MINPP1: variants seen among roughly 807,000 people sequenced by gnomAD.
The protein encoded by MINPP1 is multiple inositol polyphosphate phosphatase 1.
Under a neutral mutation model 46.1 loss-of-function variants are expected in MINPP1, and 28 were observed. The observed-to-expected ratio is 0.61, with a 90% CI of 0.45 to 0.83. The LOEUF (loss-of-function observed/expected upper bound fraction) is 0.83. Ranked by LOEUF, MINPP1 falls within the 40% of genes least tolerant of loss-of-function variation. MINPP1 has a pLI of 0.00. For synonymous variants in MINPP1, 268 were observed against 249.1 expected (o/e 1.08, Z -0.72); for missense variants, 603 against 610.0 (o/e 0.99, Z 0.12).
At chr10:87,548,891 G>A (rs1043096519) in intron 4 of MINPP1, among the ~76,000 whole-genome samples, 8 of 151,934 alleles carry the variant, frequency 5.3e-5, no homozygotes, top group South Asian at 4.2e-4. Context: ...CAATACTTAC[G>A]GACTTTATAA....
chr10:87,532,857 G>T (rs1851678728), intron 4 of MINPP1, among the ~76,000 whole-genome samples: 1 of 152,172 alleles, frequency 6.6e-6, no homozygotes. Context: ...AGAAAGTACA[G>T]AGAGTTCCTA....
intron 4 of MINPP1, 131 bp from the exon 5 acceptor site, chr10:87,551,951 A>G (rs929319978): frequency 5.5e-6 from 4 of 729,148 alleles, no homozygotes; most frequent in Admixed American, 2.9e-5. Context: ...TGTGTAATGT[A>G]TATAAAGATT....
intron 4 of MINPP1, among the ~76,000 whole-genome samples, chr10:87,545,272 C>CT (rs1851870631): frequency 6.6e-6 from 1 of 151,030 alleles, no homozygotes; most frequent in Non-Finnish European, 1.5e-5. Context: ...TAAAATTTCT[C>CT]TAAGTGGGAT....
chr10:87,549,782 G>A (rs1851937166), intron 4 of MINPP1, among the ~76,000 whole-genome samples: 1 of 152,164 alleles, frequency 6.6e-6, no homozygotes, highest in Non-Finnish European at 1.5e-5. Flanking sequence ...ATTCCATGGA[G>A]AGCAATAACT....
At chr10:87,530,928 G>A (rs1564678539) in intron 4 of MINPP1, among the ~76,000 whole-genome samples, 1 of 152,184 alleles carries the variant, frequency 6.6e-6, no homozygotes, top group Non-Finnish European at 1.5e-5. Context: ...TAGCCTCACT[G>A]CTGCCTTGCA....
chr10:87,514,369 G>A (rs1045293798), intron 3 of MINPP1, among the ~76,000 whole-genome samples: 1 of 152,098 alleles, frequency 6.6e-6, no homozygotes, highest in Non-Finnish European at 1.5e-5. Context: ...CTAATGTACA[G>A]TCAACTTTCA....
Position 87,538,191 on chromosome 10 carries a change from G to T in MINPP1, c.1068-13891G>T, listed in dbSNP as rs544517767. Among the ~76,000 whole-genome samples the T allele has an allele frequency of 1.1e-4, 17 of 150,700 alleles. No individual in the cohort carries two copies. The East Asian group carries it at 3.1e-3, about 28-fold the overall frequency. ...TTTTCTCATACGCATGTGCTGTTCA[G>T]TGCCAGCTGAAAATTTGAGGGAGCC... is the stretch of plus-strand genomic sequence containing the variant. On this transcript the variant is annotated intron_variant, in intron 4 of 4. Coordinates refer to ENST00000371996, the MANE Select transcript of MINPP1 (RefSeq NM_004897.5).
chr10:87,533,668 T>G, intron 4 of MINPP1, among the ~76,000 whole-genome samples: 1 of 152,222 alleles, frequency 6.6e-6, no homozygotes, highest in Non-Finnish European at 1.5e-5. Flanking sequence ...AAAATATTTT[T>G]TACTGTTACT....
chr10:87,540,442 CCTCT>C (rs1010408340), intron 4 of MINPP1, among the ~76,000 whole-genome samples: 13 of 152,032 alleles, frequency 8.6e-5, no homozygotes, highest in African/African-American at 1.9e-4. Context: ...CTCTCTTTCT[CCTCT>C]CTGTCAGTCT....
intron 1 of MINPP1, among the ~76,000 whole-genome samples, chr10:87,507,307 C>T (rs1181901437): frequency 6.6e-6 from 1 of 152,112 alleles, no homozygotes; most frequent in East Asian, 1.9e-4. Flanking sequence ...TGTTTAAAGA[C>T]TAGCAATAAT....
At chr10:87,508,829 AATT>A (rs1224156334) in intron 2 of MINPP1, among the ~76,000 whole-genome samples, 2 of 152,166 alleles carry the variant, frequency 1.3e-5, no homozygotes, top group Non-Finnish European at 2.9e-5. Context: ...TTTTAAAACA[AATT>A]ATCTTTTCTG....
Position 87,505,505 on chromosome 10 carries a change from G to A in MINPP1, c.590G>A (p.Gly197Glu), listed in dbSNP as rs1851231043. Residue 197 changes from glycine to glutamate, a missense_variant, in exon 1 of 5, where the codon GGG becomes GAG. This residue lies in a region of MINPP1 where 344 missense variants were observed against 381.1 expected (regional missense o/e 0.90). Coordinates refer to ENST00000371996, the MANE Select transcript of MINPP1 (RefSeq NM_004897.5). This position sits in a 1 kb window ranked among gnomAD's most constrained non-coding sequence, Gnocchi z 4.4. The stretch of plus-strand genomic sequence containing the variant: ...GATAGCAGCGCCGCCTTCCTGCAGG[G>A]GCTGTGGCAGCACTACCACCCTGGC... ...CMDSSAAFLQ[G>E]LWQHYHPGLP... 6.2e-7 allele frequency: 1 copy of A among 1,612,036 alleles called. No homozygotes were observed. Among genetic ancestry groups the A allele is most frequent in the Non-Finnish European group, 8.5e-7 (1 of 1,179,674 alleles).
chr10:87,528,486 C>G (rs1851610402), intron 4 of MINPP1, among the ~76,000 whole-genome samples: 1 of 152,188 alleles, frequency 6.6e-6, no homozygotes, highest in Non-Finnish European at 1.5e-5. Flanking sequence ...CATTCAGGAG[C>G]AGTTTGTTCA....
intron 4 of MINPP1, among the ~76,000 whole-genome samples, chr10:87,534,620 A>G (rs974389769): frequency 2.6e-5 from 4 of 152,144 alleles, no homozygotes; most frequent in Non-Finnish European, 5.9e-5. Flanking sequence ...TATTCTTGTC[A>G]TAGTTGGAGA....
chr10:87,513,255 TA>T lies in MINPP1; in HGVS notation c.933+41del, dbSNP rs754937270. 2.2e-4 allele frequency: 338 copies of T among 1,551,044 alleles called. 4 individuals are homozygous for T. In the South Asian group the frequency reaches 3.7e-3, roughly 17 times the overall value. On this transcript the variant is annotated intron_variant, in intron 3 of 4. Coordinates refer to ENST00000371996, the MANE Select transcript of MINPP1 (RefSeq NM_004897.5). Reference sequence around the variant, plus strand: ...TATTTTTGCAGTTTCTTTGCTTTTTTAAAAAAATTTTTTTTGGCTTGCTTGT... The same window carrying T: ...TATTTTTGCAGTTTCTTTGCTTTTTTAAAAAATTTTTTTTGGCTTGCTTGT...
At chr10:87,535,604 A>G (rs1043178339) in intron 4 of MINPP1, among the ~76,000 whole-genome samples, 1 of 152,166 alleles carries the variant, frequency 6.6e-6, no homozygotes, top group Admixed American at 6.5e-5. Context: ...GAAAAACAGT[A>G]TACTTTACCT....
Position 87,552,252 on chromosome 10 carries a change from C to G in MINPP1, c.1238C>G (p.Ser413Trp). 6.2e-7 allele frequency: 1 copy of G among 1,613,754 alleles called. No homozygotes were observed. Reference protein sequence around the residue: ...FRSGLIVPYASNLIFVLYHCE... With the variant: ...FRSGLIVPYAWNLIFVLYHCE... ...AGTGGTCTCATTGTACCTTATGCCT[C>G]GAACCTGATATTTGTGCTTTACCAC... The change falls in exon 5 of 5, where the codon TCG (serine) becomes TGG (tryptophan). Residue 413 changes from serine to tryptophan, a missense_variant. Ser to Trp is a radical substitution (Grantham distance 177). Transcript: ENST00000371996.
chr10:87,506,802 T>C (rs1851258920), intron 1 of MINPP1, among the ~76,000 whole-genome samples: 1 of 152,268 alleles, frequency 6.6e-6, no homozygotes, highest in Admixed American at 6.5e-5. Context: ...ATTTCTTCTG[T>C]AGCTGTTGAA....
intron 4 of MINPP1, among the ~76,000 whole-genome samples, chr10:87,534,096 A>G (rs974164868): frequency 1.1e-4 from 13 of 119,494 alleles, no homozygotes; most frequent in Non-Finnish European, 2.1e-4. Flanking sequence ...TCTATCCCCC[A>G]GGCTGGAGTG....
Sources: gnomAD v4.1 joint callset for allele counts (sites outside exome capture counted in the v4.1 genomes callset) on GRCh38, gnomAD v4.1.1 for gene constraint, gnomAD v4.1.1 regional missense constraint, Gnocchi (gnomAD v3.1) non-coding constraint, MANE v1.5 for transcripts, NCBI Gene and HGNC (gene_info 2026-07-23, HGNC 2026-07-21) for gene names.